CEP250: variants seen among roughly 807,000 people sequenced by gnomAD.
The protein encoded by CEP250 is centrosome-associated protein CEP250.
A neutral mutation model predicts 315.7 loss-of-function variants in CEP250; 242 were observed. The observed-to-expected ratio is 0.77, with a 90% CI of 0.69 to 0.85. The LOEUF (loss-of-function observed/expected upper bound fraction) is 0.85. Ranked by LOEUF, CEP250 falls within the 40% of genes least tolerant of loss-of-function variation. The probability of loss-of-function intolerance (pLI) is 0.00; values close to 1 mark genes in which losing one functional copy is unlikely to be tolerated. For synonymous variants in CEP250, 1,088 were observed against 1,175.0 expected, an observed-to-expected ratio of 0.93 and a Z score of 1.51; for missense variants, 2,515 against 2,886.4, an observed-to-expected ratio of 0.87 and a Z score of 2.95.
In CEP250 at chr20:35,504,998, G is replaced by C; in HGVS notation, c.6629G>C (p.Arg2210Thr). 6.2e-7 allele frequency: 1 copy of C among 1,602,892 alleles called. No homozygotes were observed. Among genetic ancestry groups the C allele is most frequent in the Non-Finnish European group, 8.5e-7 (1 of 1,172,544 alleles). Residue 2210 changes from arginine to threonine, a missense_variant, in exon 30 of 35, where the codon AGG becomes ACG. Coordinates refer to ENST00000397527, the MANE Select transcript of CEP250 (RefSeq NM_007186.6). ...CTGGAGCGGGACTCAGAACAGCAAAGGCTGCAGGTAAGTCACTCCATGGGG... is the reference window on the plus strand; with the variant it reads ...CTGGAGCGGGACTCAGAACAGCAAACGCTGCAGGTAAGTCACTCCATGGGG... ...SVLERDSEQQRLQDELELTRR... is the reference protein window; with the variant it reads ...SVLERDSEQQTLQDELELTRR...
chr20:35,510,797 C>G (rs1290705575), intron 34 of CEP250, among the ~76,000 whole-genome samples: 1 of 152,166 alleles, frequency 6.6e-6, no homozygotes, highest in African/African-American at 2.4e-5. Flanking sequence ...GAGTTTGAAA[C>G]CAGCCTGGCC....
intron 25 of CEP250, among the ~76,000 whole-genome samples, chr20:35,496,964 C>T (rs540374804): frequency 3.9e-5 from 6 of 152,266 alleles, no homozygotes; most frequent in South Asian, 4.1e-4. Context: ...AAAGTGCACA[C>T]GGGTGTAGCC....
upstream of CEP250, chr20:35,455,544 C>G (rs897153028): frequency 6.6e-6 from 1 of 152,356 alleles, no homozygotes; most frequent in Non-Finnish European, 1.5e-5. Flanking sequence ...GCCGCCCCCC[C>G]GCCCCTCGCT....
intron 18 of CEP250, 101 bp downstream of exon 18, chr20:35,479,525 T>A (rs2063279425): frequency 6.5e-7 from 1 of 1,537,878 alleles, no homozygotes; most frequent in Non-Finnish European, 8.8e-7. Flanking sequence ...CTAAATTGAT[T>A]ATGAATTTAT....
rs2064357123 is a variant in CEP250, at chr20:35,511,449, A to C, written c.7152A>C (p.Leu2384=). ...ITRSAQTSRE[L]AGLHHSLSHS... is the part of the protein sequence containing the mutation. ...GCTCAGCACAGACCAGCCGTGAGCT[A>C]GCAGGCCTGCACCACAGCCTCTCAC... The change falls in exon 35 of 35, where the codon CTA becomes CTC. Residue 2384 remains leucine (L), a synonymous_variant. Transcript: ENST00000397527. 6.2e-7 allele frequency: 1 copy of C among 1,613,944 alleles called. No individual in the cohort carries two copies. Among genetic ancestry groups the C allele is most frequent in the Non-Finnish European group, 8.5e-7 (1 of 1,180,018 alleles).
intron 3 of CEP250, among the ~76,000 whole-genome samples, chr20:35,461,442 T>C (rs1340162798): frequency 6.6e-6 from 1 of 152,230 alleles, no homozygotes; most frequent in Admixed American, 6.5e-5. Flanking sequence ...CTGATGAAGG[T>C]CACCGTTAGG....
intron 3 of CEP250, among the ~76,000 whole-genome samples, chr20:35,461,607 C>G (rs2062758397): frequency 6.6e-6 from 1 of 152,220 alleles, no homozygotes; most frequent in Non-Finnish European, 1.5e-5. Flanking sequence ...AGATAGACTA[C>G]TTGTGTTCAA....
chr20:35,473,116 T>G (rs1421869612), intron 12 of CEP250, among the ~76,000 whole-genome samples: 1 of 152,136 alleles, frequency 6.6e-6, no homozygotes, highest in Non-Finnish European at 1.5e-5. Context: ...GTCAACGTTC[T>G]CCAACTCTGA....
chr20:35,493,347 C>T (rs2147068281), intron 22 of CEP250, 82 bp from the exon 23 acceptor site: 1 of 1,313,756 alleles, frequency 7.6e-7, no homozygotes. Flanking sequence ...GCTCCTGCCT[C>T]AGCTTTTGCC....
At chr20:35,496,490 T>G in intron 24 of CEP250, 87 bp from the exon 25 acceptor site, 1 of 1,111,464 alleles carries the variant, frequency 9.0e-7, no homozygotes, top group Non-Finnish European at 1.3e-6. Flanking sequence ...TTTTGATTAT[T>G]AATGCTATGT....
chr20:35,471,897 G>T (rs1230900191), intron 10 of CEP250, among the ~76,000 whole-genome samples, 153 bp from the exon 11 acceptor site: 1 of 152,186 alleles, frequency 6.6e-6, no homozygotes, highest in East Asian at 1.9e-4. Flanking sequence ...ATTGTCTTCA[G>T]ACTCTTCAGA....
Position 35,504,786 on chromosome 20 carries a change from A to G in CEP250, c.6417A>G (p.Leu2139=), listed in dbSNP as rs77537563. 6.2e-5 allele frequency: 100 copies of G among 1,614,222 alleles called. No individual in the cohort carries two copies. In the African/African-American group the frequency reaches 1.2e-3, roughly 20 times the overall value. ...HKTSPMEEQS[L]KLDSLEPRLQ... is the part of the protein sequence containing the mutation. ...CCTCCCCAATGGAGGAACAATCTCTAAAACTTGATTCTTTAGAGCCCAGGC... is the reference window on the plus strand; with the variant it reads ...CCTCCCCAATGGAGGAACAATCTCTGAAACTTGATTCTTTAGAGCCCAGGC... The change falls in exon 30 of 35, where the codon CTA becomes CTG. Residue 2139 remains leucine, a synonymous_variant. Transcript: ENST00000397527.
chr20:35,489,694 C>T (rs1428524939), intron 20 of CEP250, among the ~76,000 whole-genome samples: 6 of 152,136 alleles, frequency 3.9e-5, no homozygotes, highest in African/African-American at 7.2e-5. Context: ...GCTGGAAGAC[C>T]GCTAAGACAA....
chr20:35,516,880 C>A lies in CEP250; in HGVS notation c.*5254C>A. 1 of 548,490 alleles carries A rather than the reference C, an allele frequency of 1.8e-6. No homozygotes were observed. Among genetic ancestry groups the A allele is most frequent in the Non-Finnish European group, 2.3e-6 (1 of 430,600 alleles). The allele number at this position is 548,490 out of a possible 1,614,324, so 34.0% of individuals were successfully genotyped here. A position where few individuals can be genotyped will look rare whatever the true frequency, so the allele number is the denominator to read the frequency against. ...ATCCAGAAGCAATGGCAGGTGTTATCCATTCATTCAGGTTAGACCTCTGAG... is the reference window on the plus strand; with the variant it reads ...ATCCAGAAGCAATGGCAGGTGTTATACATTCATTCAGGTTAGACCTCTGAG... On this transcript the variant is annotated 3_prime_UTR_variant, in exon 35 of 35. Coordinates refer to ENST00000397527, the MANE Select transcript of CEP250 (RefSeq NM_007186.6).
chr20:35,479,557 A>G, intron 18 of CEP250, 89 bp from the exon 19 acceptor site: 1 of 1,559,560 alleles, frequency 6.4e-7, no homozygotes, highest in Non-Finnish European at 8.7e-7. Context: ...TAACTTCTCC[A>G]GGTAGCCAAT....
chr20:35,494,703 C>A, intron 24 of CEP250, 46 bp downstream of exon 24: 1 of 1,608,710 alleles, frequency 6.2e-7, no homozygotes, highest in South Asian at 1.1e-5. Context: ...ATCTGGCTGC[C>A]ATGGTCACTG....
intron 1 of CEP250, among the ~76,000 whole-genome samples, chr20:35,457,190 G>T (rs894756134): frequency 6.6e-6 from 1 of 152,122 alleles, no homozygotes; most frequent in African/African-American, 2.4e-5. Flanking sequence ...GTAATAATGG[G>T]CACTTGTTAT....
Position 35,507,813 on chromosome 20 carries a change from C to T in CEP250, c.6712C>T (p.Leu2238=), listed in dbSNP as rs1206089805. 2 of 1,581,892 alleles carry T rather than the reference C, an allele frequency of 1.3e-6. No individual in the cohort carries two copies. The highest frequency in any genetic ancestry group is 4.7e-5 in the East Asian group (2 of 42,884). ...HSPGATSTAE[L]GSRGEQGVQL... is the part of the protein sequence containing the mutation. ...CCCAGGTGCAACCAGCACAGCAGAACTGGGGTCCAGAGGGGAGCAGGGTGT... is the reference window on the plus strand; with the variant it reads ...CCCAGGTGCAACCAGCACAGCAGAATTGGGGTCCAGAGGGGAGCAGGGTGT... Residue 2238 remains leucine, a synonymous_variant, in exon 31 of 35, where the codon CTG becomes TTG. Coordinates refer to ENST00000397527, the MANE Select transcript of CEP250 (RefSeq NM_007186.6).
At chr20:35,463,665 T>G (rs1601119690) in intron 5 of CEP250, 34 bp downstream of exon 5, 1 of 1,571,148 alleles carries the variant, frequency 6.4e-7, no homozygotes, top group Non-Finnish European at 8.6e-7. Context: ...ACCCCCTGGG[T>G]CCTCAGTGAA....
Sources: allele counts gnomAD v4.1 joint callset (sites outside exome capture counted in the v4.1 genomes callset), GRCh38; gene constraint gnomAD v4.1.1; transcripts MANE v1.5; gene names NCBI Gene and HGNC (gene_info 2026-07-23, HGNC 2026-07-21).